MID2: variants seen among roughly 807,000 people sequenced by gnomAD.
The protein encoded by MID2 is midline 2.
In MID2, 13 loss-of-function variants were observed where a neutral mutation model predicts 46.1. The ratio of observed to expected loss-of-function variants is 0.28; its 90% CI spans 0.18 to 0.45. The LOEUF (loss-of-function observed/expected upper bound fraction) is 0.45. Among genes scored for constraint, MID2 ranks in the 20% least tolerant of loss-of-function variants. The pLI, the probability that MID2 is intolerant of heterozygous loss-of-function variation, is 1.00. For missense variants in MID2, 431 were observed against 575.4 expected, an observed-to-expected ratio of 0.75 and a Z score of 2.57; for synonymous variants, 199 against 212.3, an observed-to-expected ratio of 0.94 and a Z score of 0.55.
chrX:107,888,710 T>G (rs1220282599), intron 3 of MID2, among the ~76,000 whole-genome samples: 1 of 111,486 alleles, frequency 9.0e-6, no homozygotes, highest in Non-Finnish European at 1.9e-5. Context: ...ATGTTGACAA[T>G]GCGGGGGTGT....
chrX:107,926,193 G>A lies in MID2; in HGVS notation c.1697G>A (p.Ser566Asn), dbSNP rs777152094. The part of the protein sequence containing the change: ...MEKDESSLKK[S>N]HTPERFSGTG... ...AAGGATGAAAGCTCTCTAAAGAAGA[G>A]CCACACCCCAGAGAGGTTTAGTGGC... Residue 566 changes from serine to asparagine, a missense_variant, in exon 9 of 10, where the codon AGC becomes AAC. Coordinates refer to ENST00000262843, the MANE Select transcript of MID2 (RefSeq NM_012216.4). The A allele has an allele frequency of 4.1e-6, 5 of 1,206,148 alleles. No homozygotes were observed. The highest frequency in any genetic ancestry group is 4.5e-6 in the Non-Finnish European group (4 of 892,761).
chrX:107,855,628 A>G (rs1484364333), intron 3 of MID2, among the ~76,000 whole-genome samples: 2 of 112,317 alleles, frequency 1.8e-5, no homozygotes, highest in Non-Finnish European at 3.8e-5. Context: ...TTTCAATTTT[A>G]TTAAGATCTC....
chrX:107,904,179 G>A, intron 4 of MID2, 114 bp downstream of exon 4: 1 of 553,684 alleles, frequency 1.8e-6, no homozygotes, highest in Non-Finnish European at 3.0e-6. Context: ...GATTATAGGG[G>A]GAGAGGCAAA....
At chrX:107,836,131 C>T (rs758775726) in intron 1 of MID2, among the ~76,000 whole-genome samples, 3 of 112,289 alleles carry the variant, frequency 2.7e-5, no homozygotes, top group Non-Finnish European at 5.6e-5. Context: ...CTTTCTCCAT[C>T]GAATGGTCTT....
chrX:107,874,167 G>C (rs1932139873), intron 3 of MID2, among the ~76,000 whole-genome samples: 2 of 111,876 alleles, frequency 1.8e-5, no homozygotes, highest in Non-Finnish European at 3.8e-5. Flanking sequence ...ACATAGGTCT[G>C]TACTACTAGC....
chrX:107,832,519 G>A (rs945497155), intron 1 of MID2, among the ~76,000 whole-genome samples: 3 of 110,901 alleles, frequency 2.7e-5, no homozygotes, highest in Non-Finnish European at 3.8e-5. Flanking sequence ...TTTTATCCTC[G>A]TCTGATCCTC....
At chrX:107,842,461 A>G (rs1330939707) in intron 2 of MID2, among the ~76,000 whole-genome samples, 1 of 112,304 alleles carries the variant, frequency 8.9e-6, no homozygotes, top group African/African-American at 3.2e-5. Context: ...AAGCCAAGCT[A>G]GAAGAAAGAC....
At chrX:107,890,944 G>A (rs139770083) in intron 3 of MID2, among the ~76,000 whole-genome samples, 1,115 of 110,519 alleles carry the variant, frequency 0.01, 8 homozygotes, top group South Asian at 0.033. Context: ...CTGGTGTGCC[G>A]TTTGCTAAGA....
chrX:107,890,797 C>T (rs1379951167), intron 3 of MID2, among the ~76,000 whole-genome samples: 2 of 111,851 alleles, frequency 1.8e-5, no homozygotes, highest in African/African-American at 6.5e-5. Context: ...CTTTGTTTAC[C>T]TACTCAAGCC....
intron 3 of MID2, among the ~76,000 whole-genome samples, chrX:107,890,135 A>G (rs1001150366): frequency 8.9e-6 from 1 of 112,313 alleles, no homozygotes; most frequent in Non-Finnish European, 1.9e-5. Flanking sequence ...TTCTTTCTCC[A>G]TCCAGCTTTG....
chrX:107,829,182 A>G (rs1931036227), intron 1 of MID2, among the ~76,000 whole-genome samples: 2 of 112,275 alleles, frequency 1.8e-5, no homozygotes, highest in African/African-American at 6.5e-5. Flanking sequence ...CCAACATTAT[A>G]CTTTTCAAAG....
chrX:107,902,195 T>C, intron 3 of MID2, among the ~76,000 whole-genome samples: 1 of 111,801 alleles, frequency 8.9e-6, no homozygotes, highest in Non-Finnish European at 1.9e-5. Flanking sequence ...GTTTTGAGGA[T>C]TGAGAGAGCC....
At chrX:107,911,707 G>A in intron 5 of MID2, among the ~76,000 whole-genome samples, 1 of 111,875 alleles carries the variant, frequency 8.9e-6, no homozygotes, top group Non-Finnish European at 1.9e-5. Context: ...TGGAAACTCT[G>A]AGTGGATGGG....
intron 3 of MID2, among the ~76,000 whole-genome samples, chrX:107,883,296 CCT>C (rs1433151688): frequency 9.0e-6 from 1 of 110,885 alleles, no homozygotes. Context: ...CACGTGTATA[CCT>C]ATGTAACAAA....
chrX:107,835,421 C>G (rs142324031), intron 1 of MID2, among the ~76,000 whole-genome samples: 1 of 112,105 alleles, frequency 8.9e-6, no homozygotes, highest in Admixed American at 9.4e-5. Flanking sequence ...GAGGAACTGT[C>G]GAACTATTTC....
At chrX:107,845,639 C>T (rs1378976777) in intron 2 of MID2, among the ~76,000 whole-genome samples, 3 of 109,176 alleles carry the variant, frequency 2.7e-5, no homozygotes, top group Admixed American at 9.8e-5. Context: ...TTCAAAGGAA[C>T]GCCACAATGA....
chrX:107,865,352 G>A (rs1931932260), intron 3 of MID2, among the ~76,000 whole-genome samples: 2 of 112,526 alleles, frequency 1.8e-5, no homozygotes, highest in African/African-American at 6.5e-5. Context: ...AATCTCTCCA[G>A]AGCATGCATC....
At chrX:107,909,330 C>T (rs1407602667) in intron 5 of MID2, among the ~76,000 whole-genome samples, 1 of 111,786 alleles carries the variant, frequency 8.9e-6, no homozygotes, top group Non-Finnish European at 1.9e-5. Context: ...GGAACACACA[C>T]TATTGCTAGA....
chrX:107,827,842 A>T (rs1358275054), intron 1 of MID2, among the ~76,000 whole-genome samples: 1 of 108,720 alleles, frequency 9.2e-6, no homozygotes, highest in Non-Finnish European at 1.9e-5. Flanking sequence ...CCAATCAATG[A>T]ACTTAACATG....
Sources: gnomAD v4.1 joint callset for allele counts (sites outside exome capture counted in the v4.1 genomes callset) on GRCh38, gnomAD v4.1.1 for gene constraint, MANE v1.5 for transcripts, NCBI Gene and HGNC (gene_info 2026-07-23, HGNC 2026-07-21) for gene names.